The following IFT140 variants were observed in gnomAD, a reference collection of about 807,000 sequenced individuals.
IFT140 encodes the protein intraflagellar transport 140.
Under a neutral mutation model 164.6 loss-of-function variants are expected in IFT140, and 133 were observed. That is an observed-to-expected ratio of 0.81 (90% CI 0.70 to 0.93). The LOEUF is 0.93. Among genes scored for constraint, IFT140 ranks in the 40% least tolerant of loss-of-function variants. The probability of loss-of-function intolerance (pLI) is 0.00; values close to 1 mark genes in which losing one functional copy is unlikely to be tolerated. For missense variants in IFT140, 2,045 were observed against 1,972.3 expected (o/e 1.04, Z -0.70); for synonymous variants, 860 against 817.3 (o/e 1.05, Z -0.89).
chr16:1,554,417 G>A lies in IFT140; in HGVS notation c.2399+3518C>T, dbSNP rs549050830. ...CTAGGAAAGGCCCCCCCAAGTTGGT[G>A]TTGCAAGCATCAGTGCTGACCTGAA... On this transcript the variant is annotated intron_variant, in intron 19 of 30. Coordinates refer to ENST00000426508, the MANE Select transcript of IFT140 (RefSeq NM_014714.4). 3.3e-5 allele frequency among the ~76,000 whole-genome samples: 5 copies of A among 152,364 alleles called. No homozygotes were observed. The East Asian group carries it at 9.6e-4, about 29-fold the overall frequency.
intron 19 of IFT140, chr16:1,541,484 G>A (rs983306195): frequency 8.1e-6 from 8 of 985,440 alleles, no homozygotes; most frequent in Non-Finnish European, 9.6e-6. Context: ...GCCCCCCGCG[G>A]AGTCTCCGGT....
intron 30 of IFT140, among the ~76,000 whole-genome samples, chr16:1,516,599 C>G (rs1244079738): frequency 6.6e-6 from 1 of 151,778 alleles, no homozygotes; most frequent in East Asian, 1.9e-4. Context: ...GAAACCCTGT[C>G]TCTACTAAAA....
At chr16:1,526,843 G>GC in intron 19 of IFT140, 47 bp from the exon 20 acceptor site, 1 of 1,553,548 alleles carries the variant, frequency 6.4e-7, no homozygotes, top group Non-Finnish European at 8.7e-7. Flanking sequence ...GCACCTCAGG[G>GC]CCCCCTGGCC....
intron 30 of IFT140, among the ~76,000 whole-genome samples, chr16:1,516,626 T>C (rs573847244): frequency 1.3e-5 from 2 of 151,676 alleles, no homozygotes; most frequent in South Asian, 2.1e-4. Flanking sequence ...AAAAATTATC[T>C]GGGCGTGGTG....
At chr16:1,535,116 G>T (rs547445772) in intron 19 of IFT140, among the ~76,000 whole-genome samples, 2 of 152,258 alleles carry the variant, frequency 1.3e-5, no homozygotes, top group Non-Finnish European at 2.9e-5. Context: ...AAATACACGG[G>T]TGAGTTCTGG....
chr16:1,542,573 C>T (rs1030876320), intron 19 of IFT140, among the ~76,000 whole-genome samples: 3 of 152,242 alleles, frequency 2.0e-5, no homozygotes, highest in African/African-American at 7.2e-5. Flanking sequence ...CTGTTATAAA[C>T]GCAGCTTCCT....
At position 1,589,472 on chromosome 16, in the gene IFT140, C is replaced by T. The variant is rs937667919; in HGVS notation, c.810+133G>A. On this transcript the variant is annotated intron_variant, in intron 7 of 30. Transcript: ENST00000426508. The stretch of plus-strand genomic sequence containing the variant: ...TGATAAATAATGACACCGCTAGCTA[C>T]GTTAGCCGCCCTAACTCAGTTGATA... 23 of 796,130 alleles carry T rather than the reference C, an allele frequency of 2.9e-5. No homozygotes were observed. In the South Asian group the frequency reaches 3.0e-4, roughly 10 times the overall value. The allele number at this position is 796,130 out of a possible 1,614,324, so 49.3% of individuals were successfully genotyped here.
intron 30 of IFT140, among the ~76,000 whole-genome samples, chr16:1,517,519 C>A (rs527238646): frequency 6.6e-6 from 1 of 152,212 alleles, no homozygotes; most frequent in East Asian, 1.9e-4. Flanking sequence ...GTACTGTTCA[C>A]CCCCTAGGAT....
intron 17 of IFT140, among the ~76,000 whole-genome samples, chr16:1,563,065 G>T (rs1241439126): frequency 6.6e-6 from 1 of 151,934 alleles, no homozygotes; most frequent in East Asian, 2.0e-4. Context: ...GCCAGGAGAC[G>T]GCCCTACCTC....
intron 19 of IFT140, among the ~76,000 whole-genome samples, chr16:1,548,349 G>T (rs1170367657): frequency 6.6e-6 from 1 of 152,194 alleles, no homozygotes; most frequent in Non-Finnish European, 1.5e-5. Flanking sequence ...CAAAAGGAAG[G>T]CCTGTGACAG....
intron 13 of IFT140, chr16:1,578,456 C>G (rs987870073): frequency 2.0e-5 from 3 of 152,008 alleles, no homozygotes; most frequent in Admixed American, 6.6e-5. Flanking sequence ...CTGAATGGTG[C>G]CCCTCCCAAA....
intron 3 of IFT140, chr16:1,604,281 G>GTGTGTGTGTGTA (rs2035945351): frequency 7.8e-6 from 1 of 128,996 alleles, no homozygotes; most frequent in Non-Finnish European, 1.6e-5. Context: ...GGGCGTGTGT[G>GTGTGTGTGTGTA]TGTGTGTGTG....
At chr16:1,602,632 G>A in intron 3 of IFT140, 41 bp from the exon 4 acceptor site, 1 of 1,572,602 alleles carries the variant, frequency 6.4e-7, no homozygotes, top group Non-Finnish European at 8.7e-7. Flanking sequence ...TTCAGAGAGG[G>A]ACAGCTACTT....
chr16:1,592,437 C>T (rs2035228225), intron 5 of IFT140, 30 bp downstream of exon 5: 5 of 1,612,886 alleles, frequency 3.1e-6, no homozygotes, highest in East Asian at 2.2e-5. Flanking sequence ...TAAACACACA[C>T]ACAGGTCACA....
intron 13 of IFT140, among the ~76,000 whole-genome samples, chr16:1,576,313 C>T (rs865891575): frequency 6.7e-6 from 1 of 149,198 alleles, no homozygotes; most frequent in East Asian, 2.0e-4. Flanking sequence ...AAAGTATGGC[C>T]GGGTGCAGTG....
chr16:1,568,579 C>T (rs1263998621), intron 14 of IFT140, among the ~76,000 whole-genome samples: 1 of 152,104 alleles, frequency 6.6e-6, no homozygotes, highest in Non-Finnish European at 1.5e-5. Context: ...GTTCAAGTAG[C>T]TTATTAAAAA....
chr16:1,526,909 T>G (rs576201229), intron 19 of IFT140, 113 bp from the exon 20 acceptor site: 2 of 1,211,886 alleles, frequency 1.7e-6, no homozygotes, highest in Non-Finnish European at 2.3e-6. Flanking sequence ...CAAACGGGCA[T>G]GAGGAGGGGC....
Position 1,566,813 on chromosome 16 carries a change from C to T in IFT140, c.1771-522G>A, listed in dbSNP as rs568324927. On this transcript the variant is annotated intron_variant, in intron 15 of 30. Coordinates refer to ENST00000426508, the MANE Select transcript of IFT140 (RefSeq NM_014714.4). ...TAACCCCTCAGAATGCACCCTCGAC[C>T]TTTTTGAGGCTCCTGGCTGCCTCCT... is the stretch of plus-strand genomic sequence containing the variant. Among the ~76,000 whole-genome samples the T allele has an allele frequency of 6.6e-5, 10 of 152,220 alleles. No homozygotes were observed. In the South Asian group the frequency reaches 8.3e-4, roughly 13 times the overall value.
rs2032685120 is a variant in IFT140, at chr16:1,551,999, A to G, written c.2399+5936T>C. On this transcript the variant is annotated intron_variant, in intron 19 of 30. Transcript: ENST00000426508. The surrounding 1 kb of genome is among the most constrained non-coding windows in gnomAD (Gnocchi z 4.0). ...CAATGACGGTACCTCCAGGTCCCCT[A>G]TGTGTGGAAACTGACCCCCACGGCA... Among the ~76,000 whole-genome samples, 1 of 152,064 alleles carries G rather than the reference A, an allele frequency of 6.6e-6. No individual in the cohort carries two copies. The highest frequency in any genetic ancestry group is 6.5e-5 in the Admixed American group (1 of 15,280).
Sources: allele counts gnomAD v4.1 joint callset (sites outside exome capture counted in the v4.1 genomes callset), GRCh38; gene constraint gnomAD v4.1.1; non-coding constraint Gnocchi (gnomAD v3.1); transcripts MANE v1.5; gene names NCBI Gene and HGNC (gene_info 2026-07-23, HGNC 2026-07-21).